The following ELOVL7 variants were observed in gnomAD, a reference collection of about 807,000 sequenced individuals.
ELOVL7 encodes the protein very long chain fatty acid elongase 7.
Under a neutral mutation model 35.7 loss-of-function variants are expected in ELOVL7, and 27 were observed. That is an observed-to-expected ratio of 0.76 (90% CI 0.56 to 1.04). The LOEUF (loss-of-function observed/expected upper bound fraction) is 1.04, where lower values mean the gene tolerates loss of function less well. Among genes scored for constraint, ELOVL7 ranks in the 50% least tolerant of loss-of-function variants. The probability of loss-of-function intolerance (pLI) is 0.00; values close to 1 mark genes in which losing one functional copy is unlikely to be tolerated. For missense variants in ELOVL7, 327 were observed against 340.8 expected (o/e 0.96, Z 0.32); for synonymous variants, 113 against 114.6 (o/e 0.99, Z 0.09).
chr5:60,795,088 T>G (rs1405256786), intron 2 of ELOVL7, among the ~76,000 whole-genome samples: 1 of 152,188 alleles, frequency 6.6e-6, no homozygotes, highest in Non-Finnish European at 1.5e-5. Context: ...CAGAAGCTGT[T>G]GAGCAAAAGC....
intron 3 of ELOVL7, among the ~76,000 whole-genome samples, chr5:60,785,579 A>G (rs1398274426): frequency 6.6e-6 from 1 of 152,178 alleles, no homozygotes; most frequent in East Asian, 1.9e-4. Context: ...CCTAAGTTCA[A>G]ATACTGAGAG....
intron 8 of ELOVL7, 92 bp downstream of exon 8, chr5:60,757,417 T>G (rs1741607460): frequency 4.5e-6 from 6 of 1,332,990 alleles, no homozygotes; most frequent in Non-Finnish European, 5.2e-6. Context: ...TGTTTTGTCT[T>G]TCTTCTTTAT....
At chr5:60,842,496 TA>T (rs35647484) in intron 1 of ELOVL7, among the ~76,000 whole-genome samples, 157 of 139,962 alleles carry the variant, frequency 1.1e-3, no homozygotes, top group African/African-American at 2.7e-3. Flanking sequence ...CTATTTTTCT[TA>T]AAAAAAAAAA....
At chr5:60,837,310 G>T (rs1192374699) in intron 1 of ELOVL7, among the ~76,000 whole-genome samples, 1 of 108,254 alleles carries the variant, frequency 9.2e-6, no homozygotes, top group African/African-American at 3.9e-5. Context: ...GGTAGGGCGG[G>T]GGGGTGGGGG....
chr5:60,796,918 A>T (rs1464689470), intron 2 of ELOVL7, among the ~76,000 whole-genome samples: 1 of 152,240 alleles, frequency 6.6e-6, no homozygotes, highest in Non-Finnish European at 1.5e-5. Flanking sequence ...TTTTCAGCTT[A>T]TGGTTTATAA....
At chr5:60,806,411 GT>G (rs779957263) in intron 1 of ELOVL7, among the ~76,000 whole-genome samples, 142 of 152,262 alleles carry the variant, frequency 9.3e-4, no homozygotes, top group Middle Eastern at 3.4e-3. Flanking sequence ...GGCAATCATT[GT>G]CATGGGAGCA....
intron 1 of ELOVL7, among the ~76,000 whole-genome samples, chr5:60,820,511 T>C (rs750093448): frequency 6.6e-6 from 1 of 152,216 alleles, no homozygotes; most frequent in Non-Finnish European, 1.5e-5. Flanking sequence ...GTGTCTGGGA[T>C]AGAAAAATGG....
At chr5:60,804,670 C>T (rs1435024387) in intron 1 of ELOVL7, among the ~76,000 whole-genome samples, 1 of 152,070 alleles carries the variant, frequency 6.6e-6, no homozygotes, top group East Asian at 1.9e-4. Context: ...GTCCTAGTCT[C>T]GAATAGAACA....
chr5:60,779,676 T>A (rs1396003616), intron 3 of ELOVL7, among the ~76,000 whole-genome samples: 1 of 152,200 alleles, frequency 6.6e-6, no homozygotes, highest in Non-Finnish European at 1.5e-5. Flanking sequence ...GAGGGGCTGC[T>A]GCCAAGGTCT....
At chr5:60,784,235 ACC>A in intron 3 of ELOVL7, 2 of 896,326 alleles carry the variant, frequency 2.2e-6, no homozygotes, top group Non-Finnish European at 3.3e-6. Flanking sequence ...GCAAACATGT[ACC>A]TTAAGTACTT....
At position 60,767,881 on chromosome 5, in the gene ELOVL7, A is replaced by C. The variant is rs1316645129; in HGVS notation, c.278T>G (p.Ile93Arg). ...CYEFVMSGWG[I>R]GYSFRCDIVD... ...AATGTCACATCGAAATGAATAACCT[A>C]TACCCCAGCCAGACATCACAAACTG... The change falls in exon 5 of 9, where the codon ATA (isoleucine) becomes AGA (arginine). Residue 93 changes from isoleucine (I) to arginine (R), a missense_variant. Transcript: ENST00000508821. 6.2e-7 allele frequency: 1 copy of C among 1,613,972 alleles called. No individual in the cohort carries two copies. Among genetic ancestry groups the C allele is most frequent in the South Asian group, 1.1e-5 (1 of 91,078 alleles).
At chr5:60,755,656 CA>C (rs1042391610) in intron 8 of ELOVL7, among the ~76,000 whole-genome samples, 39 of 144,094 alleles carry the variant, frequency 2.7e-4, no homozygotes, top group Middle Eastern at 3.7e-3. Context: ...GATTCCATCT[CA>C]AAAAAAAAAA....
intron 3 of ELOVL7, among the ~76,000 whole-genome samples, chr5:60,782,256 T>C (rs1352564770): frequency 2.6e-5 from 4 of 152,142 alleles, no homozygotes; most frequent in Non-Finnish European, 4.4e-5. Context: ...ATAACAAGCG[T>C]TGGCAAGGAT....
intron 7 of ELOVL7, among the ~76,000 whole-genome samples, chr5:60,762,655 G>T (rs1156369479): frequency 1.3e-5 from 2 of 152,112 alleles, no homozygotes; most frequent in African/African-American, 4.8e-5. Context: ...CCTCATGGGA[G>T]AAATCAGAAT....
chr5:60,816,380 CAAAA>C (rs5868256), intron 1 of ELOVL7, among the ~76,000 whole-genome samples: 1 of 140,428 alleles, frequency 7.1e-6, no homozygotes. Context: ...GACTCCATCT[CAAAA>C]AAAAAAAAAA....
chr5:60,831,775 T>G (rs1415328121), intron 1 of ELOVL7, among the ~76,000 whole-genome samples: 1 of 152,244 alleles, frequency 6.6e-6, no homozygotes, highest in African/African-American at 2.4e-5. Flanking sequence ...GTACCTTATA[T>G]ATTTATGCTT....
chr5:60,803,916 A>G (rs751609526), intron 1 of ELOVL7, among the ~76,000 whole-genome samples: 6 of 152,088 alleles, frequency 3.9e-5, no homozygotes, highest in Non-Finnish European at 8.8e-5. Context: ...CTCAATTTTC[A>G]CTTCCTCATT....
At chr5:60,792,049 A>G (rs1158301921) in intron 2 of ELOVL7, among the ~76,000 whole-genome samples, 1 of 152,124 alleles carries the variant, frequency 6.6e-6, no homozygotes, top group Non-Finnish European at 1.5e-5. Flanking sequence ...GGTTTCTCCA[A>G]TCCCAAAAAC....
At chr5:60,765,139 G>C (rs1584161965) in intron 6 of ELOVL7, among the ~76,000 whole-genome samples, 1 of 152,292 alleles carries the variant, frequency 6.6e-6, no homozygotes, top group South Asian at 2.1e-4. Context: ...ACGGAAGCTG[G>C]AACTGAGAAC....
Sources: allele counts gnomAD v4.1 joint callset (sites outside exome capture counted in the v4.1 genomes callset), GRCh38; gene constraint gnomAD v4.1.1; transcripts MANE v1.5; gene names NCBI Gene and HGNC (gene_info 2026-07-23, HGNC 2026-07-21).